Variants in SLC44A5 observed in about 807,000 individuals in gnomAD.
SLC44A5 encodes the protein choline transporter-like protein 5.
Under a neutral mutation model 101.8 loss-of-function variants are expected in SLC44A5, and 57 were observed. That is an observed-to-expected ratio of 0.56 (90% CI 0.45 to 0.70). SLC44A5 has a LOEUF of 0.70. Ranked by LOEUF, SLC44A5 falls within the 30% of genes least tolerant of loss-of-function variation. The probability of loss-of-function intolerance (pLI) is 0.00; values close to 1 mark genes in which losing one functional copy is unlikely to be tolerated. For missense variants in SLC44A5, 737 were observed against 853.1 expected, an observed-to-expected ratio of 0.86 and a Z score of 1.70; for synonymous variants, 281 against 290.9, an observed-to-expected ratio of 0.97 and a Z score of 0.35.
intron 23 of SLC44A5, among the ~76,000 whole-genome samples, chr1:75,207,517 C>T (rs561900931): frequency 1.3e-5 from 2 of 152,242 alleles, no homozygotes; most frequent in South Asian, 2.1e-4. Flanking sequence ...AAGCCTCCCG[C>T]AGATATATAC....
At chr1:75,477,189 G>A (rs1472227017) in intron 2 of SLC44A5, among the ~76,000 whole-genome samples, 1 of 152,196 alleles carries the variant, frequency 6.6e-6, no homozygotes, top group Non-Finnish European at 1.5e-5. Flanking sequence ...CTGCAGCTGA[G>A]GGTCCTGTCT....
intron 4 of SLC44A5, among the ~76,000 whole-genome samples, chr1:75,318,241 G>A (rs115199954): frequency 0.012 from 1,890 of 152,088 alleles, 43 homozygotes; most frequent in African/African-American, 0.044. Flanking sequence ...GTCACACAGG[G>A]TCACGCACAC....
chr1:75,464,952 A>C (rs894747206), intron 2 of SLC44A5, among the ~76,000 whole-genome samples: 5 of 152,172 alleles, frequency 3.3e-5, no homozygotes, highest in Non-Finnish European at 5.9e-5. Flanking sequence ...AAACTTTAAC[A>C]CCTCACTTTC....
At chr1:75,648,310 G>A in the SLC44A5 span, among the ~76,000 whole-genome samples, 251 of 152,266 alleles carry the variant, frequency 1.6e-3, no homozygotes, top group African/African-American at 5.8e-3. Context: ...GCAGAACTGT[G>A]AGTCAATTAA....
At chr1:75,665,945 T>C in the SLC44A5 span, among the ~76,000 whole-genome samples, 1 of 152,028 alleles carries the variant, frequency 6.6e-6, no homozygotes, top group Admixed American at 6.6e-5. Flanking sequence ...TCAGAATGGC[T>C]ACTATTAAAA....
chr1:75,641,333 A>C, the SLC44A5 span: 2 of 705,332 alleles, frequency 2.8e-6, no homozygotes, highest in South Asian at 1.6e-5. Flanking sequence ...GGTGCAAAAC[A>C]TGAGGAATCT....
At chr1:75,564,444 C>T (rs925643017) in intron 1 of SLC44A5, among the ~76,000 whole-genome samples, 1 of 8,356 alleles carries the variant, frequency 1.2e-4, no homozygotes, top group African/African-American at 1.6e-3. Context: ...TTTTTGCAAT[C>T]GTTTTTATTT....
At chr1:75,534,675 T>C (rs887354766) in intron 2 of SLC44A5, among the ~76,000 whole-genome samples, 2 of 152,212 alleles carry the variant, frequency 1.3e-5, no homozygotes, top group Admixed American at 6.5e-5. Context: ...TAGTCCTCAT[T>C]AATAGGAACT....
At chr1:75,587,713 C>T (rs1674095770) in intron 1 of SLC44A5, among the ~76,000 whole-genome samples, 2 of 152,138 alleles carry the variant, frequency 1.3e-5, no homozygotes, top group South Asian at 4.1e-4. Context: ...TGCAATAAAG[C>T]CTGATTGAAA....
intron 1 of SLC44A5, among the ~76,000 whole-genome samples, chr1:75,562,956 T>G (rs1044769154): frequency 6.6e-6 from 1 of 152,190 alleles, no homozygotes; most frequent in Non-Finnish European, 1.5e-5. Flanking sequence ...ATATTACACT[T>G]CAAAAGTTTT....
At chr1:75,330,909 C>A (rs1459414614) in intron 4 of SLC44A5, among the ~76,000 whole-genome samples, 1 of 151,914 alleles carries the variant, frequency 6.6e-6, no homozygotes, top group African/African-American at 2.4e-5. Context: ...ACATACTGGG[C>A]CACTTTAAAA....
chr1:75,686,917 G>A, the SLC44A5 span, among the ~76,000 whole-genome samples: 4 of 152,168 alleles, frequency 2.6e-5, no homozygotes, highest in Admixed American at 6.5e-5. Context: ...GATATGAGAG[G>A]AAGGAAAAGG....
At chr1:75,638,533 A>G in the SLC44A5 span, among the ~76,000 whole-genome samples, 5 of 152,176 alleles carry the variant, frequency 3.3e-5, no homozygotes, top group East Asian at 9.7e-4. Flanking sequence ...AAGGTAGGAA[A>G]GCCAACGAAA....
intron 2 of SLC44A5, among the ~76,000 whole-genome samples, chr1:75,454,026 G>A (rs960724509): frequency 6.6e-5 from 10 of 151,914 alleles, no homozygotes; most frequent in Non-Finnish European, 1.5e-4. Flanking sequence ...TGAGGGAGAG[G>A]GACTCTTCCC....
intron 4 of SLC44A5, among the ~76,000 whole-genome samples, chr1:75,332,542 CTAT>C (rs1319037016): frequency 2.0e-5 from 3 of 151,938 alleles, no homozygotes; most frequent in Non-Finnish European, 4.4e-5. Flanking sequence ...CTGAAAATAA[CTAT>C]TATTATAGAA....
intron 2 of SLC44A5, among the ~76,000 whole-genome samples, chr1:75,436,791 T>C (rs1203597200): frequency 6.6e-6 from 1 of 152,136 alleles, no homozygotes; most frequent in Non-Finnish European, 1.5e-5. Flanking sequence ...AATATACAGT[T>C]ATAAAAAAAG....
the SLC44A5 span, among the ~76,000 whole-genome samples, chr1:75,694,754 A>T: frequency 5.3e-5 from 8 of 152,188 alleles, no homozygotes; most frequent in Non-Finnish European, 1.0e-4. Context: ...TGTATCAAGA[A>T]GTTTAATATA....
At chr1:75,450,057 A>C (rs1050014568) in intron 2 of SLC44A5, among the ~76,000 whole-genome samples, 1 of 152,170 alleles carries the variant, frequency 6.6e-6, no homozygotes, top group Admixed American at 6.5e-5. Flanking sequence ...AGCTTTATTT[A>C]ATTCAAGAAG....
chr1:75,680,854 T>C, the SLC44A5 span, among the ~76,000 whole-genome samples: 1 of 151,458 alleles, frequency 6.6e-6, no homozygotes, highest in Non-Finnish European at 1.5e-5. Flanking sequence ...ACAAAATTGA[T>C]AGACGGCTAG....
Sources: gnomAD v4.1 joint callset for allele counts (sites outside exome capture counted in the v4.1 genomes callset) on GRCh38, gnomAD v4.1.1 for gene constraint, MANE v1.5 for transcripts, NCBI Gene and HGNC (gene_info 2026-07-23, HGNC 2026-07-21) for gene names.